Variants in AADACL4 observed in about 807,000 individuals in gnomAD.
AADACL4 encodes the protein arylacetamide deacetylase like 4, also known as arylacetamide deacetylase-like 4.
AADACL4 carries 9 observed loss-of-function variants against 14.1 expected under a neutral mutation model. That is an observed-to-expected ratio of 0.64 (90% CI 0.39 to 1.12). The LOEUF (loss-of-function observed/expected upper bound fraction) is 1.12. AADACL4 is among the 50% of genes most tolerant of loss of function. The pLI is 0.01. For missense variants in AADACL4, 531 were observed against 516.1 expected (o/e 1.03, Z -0.28); for synonymous variants, 188 against 201.6 (o/e 0.93, Z 0.57).
At position 12,666,782 on chromosome 1, in the gene AADACL4, C is replaced by T. The variant is rs781528865; in HGVS notation, c.*47C>T. On this transcript the variant is annotated 3_prime_UTR_variant, in exon 4 of 4. Coordinates refer to ENST00000376221, the MANE Select transcript of AADACL4 (RefSeq NM_001013630.2). ...GAGGAAGGGGCAAGTATGGACTCTA[C>T]CAGAAACCGGGTGCTTTAGTGAGTT... 12 of 1,518,362 alleles carry T rather than the reference C, an allele frequency of 7.9e-6. No homozygotes were observed. In the African/African-American group the frequency reaches 1.2e-4, roughly 16 times the overall value. 94.1% of individuals were successfully genotyped at this position (1,518,362 alleles called of 1,614,324 possible).
chr1:12,663,292 C>A (rs1313837303), intron 3 of AADACL4, among the ~76,000 whole-genome samples: 1 of 152,200 alleles, frequency 6.6e-6, no homozygotes, highest in Non-Finnish European at 1.5e-5. Context: ...TTAAACAACA[C>A]TTTGATTTCT....
At position 12,666,126 on chromosome 1, in the gene AADACL4, C is replaced by A; in HGVS notation, c.615C>A (p.Ala205=). The change falls in exon 4 of 4, where the codon GCC becomes GCA. Residue 205 remains alanine, a synonymous_variant. Coordinates refer to ENST00000376221, the MANE Select transcript of AADACL4 (RefSeq NM_001013630.2). The part of the protein sequence containing the change: ...GGAAVAAITQ[A]LVGRSDLPRI... The stretch of plus-strand genomic sequence containing the variant: ...CAGCGGTGGCCGCCATCACCCAGGC[C>A]TTGGTGGGCAGATCAGATCTTCCCC... 1 of 1,614,208 alleles carries A rather than the reference C, an allele frequency of 6.2e-7. No homozygotes were observed. Among genetic ancestry groups the A allele is most frequent in the Non-Finnish European group, 8.5e-7 (1 of 1,180,044 alleles).
chr1:12,661,729 C>T, intron 2 of AADACL4, 62 bp from the exon 3 acceptor site: 1 of 1,504,022 alleles, frequency 6.6e-7, no homozygotes, highest in Non-Finnish European at 9.3e-7. Context: ...TTCCTGGGGG[C>T]TGTGGTGAGA....
chr1:12,647,643 T>TTTTC (rs778478370), intron 1 of AADACL4, among the ~76,000 whole-genome samples: 2 of 151,824 alleles, frequency 1.3e-5, no homozygotes, highest in East Asian at 1.9e-4. Context: ...TTGCTTTTCT[T>TTTTC]TTTCTTTCTT....
chr1:12,645,585 C>T (rs544803335), intron 1 of AADACL4, among the ~76,000 whole-genome samples: 1 of 152,208 alleles, frequency 6.6e-6, no homozygotes, highest in South Asian at 2.1e-4. Context: ...CTCTGTTGCC[C>T]AGGCTGGAGT....
chr1:12,666,469 G>C lies in AADACL4; in HGVS notation c.958G>C (p.Asp320His), dbSNP rs767881004. ...AAYLEAKHML[D>H]VENSPLIADD... ...CTATCTAGAAGCCAAACATATGCTG[G>C]ATGTAGAAAATTCACCCCTGATAGC... The change falls in exon 4 of 4, where the codon GAT becomes CAT. Residue 320 changes from aspartate (D) to histidine (H), a missense_variant. By Grantham distance (81) the Asp-to-His change is moderately conservative (BLOSUM62 -1). Coordinates refer to ENST00000376221, the MANE Select transcript of AADACL4 (RefSeq NM_001013630.2). 5.0e-6 allele frequency: 8 copies of C among 1,614,054 alleles called. No individual in the cohort carries two copies. Among genetic ancestry groups the C allele is most frequent in the Non-Finnish European group, 6.8e-6 (8 of 1,180,046 alleles).
rs770422175 is a variant in AADACL4, at chr1:12,666,438, A to C, written c.927A>C (p.Glu309Asp). 1.9e-6 allele frequency: 3 copies of C among 1,614,196 alleles called. No homozygotes were observed. The highest frequency in any genetic ancestry group is 2.5e-6 in the Non-Finnish European group (3 of 1,180,044). ...CCTGGTCTCCCGGCCCTTTTAATGA[A>C]GCTGCCTATCTAGAAGCCAAACATA... is the stretch of plus-strand genomic sequence containing the variant. ...YQPWSPGPFN[E>D]AAYLEAKHML... The change falls in exon 4 of 4, where the codon GAA (glutamate) becomes GAC (aspartate). Residue 309 changes from glutamate (E) to aspartate (D), a missense_variant. Transcript: ENST00000376221.
intron 2 of AADACL4, among the ~76,000 whole-genome samples, chr1:12,655,262 C>T (rs756360907): frequency 1.3e-5 from 2 of 151,982 alleles, no homozygotes; most frequent in African/African-American, 4.8e-5. Context: ...GGATAAGGGC[C>T]CAGGGTGGCT....
At chr1:12,658,455 TG>T (rs1647201076) in intron 2 of AADACL4, among the ~76,000 whole-genome samples, 1 of 152,012 alleles carries the variant, frequency 6.6e-6, no homozygotes, top group African/African-American at 2.4e-5. Flanking sequence ...GACGGGGTTT[TG>T]CCATGTTGGC....
In AADACL4 at chr1:12,665,447, G is replaced by C. The variant is rs145736375; in HGVS notation, c.450-514G>C. On this transcript the variant is annotated intron_variant, in intron 3 of 3. Transcript: ENST00000376221. Reference sequence around the variant, plus strand: ...TCACCGTGTTAGCCAGGATGGTCTCGATCTCCTGACCTCGTGATCCACCCG... The same window carrying C: ...TCACCGTGTTAGCCAGGATGGTCTCCATCTCCTGACCTCGTGATCCACCCG... Among the ~76,000 whole-genome samples the C allele has an allele frequency of 9.0e-4, 137 of 152,194 alleles. 3 individuals are homozygous for C. In the East Asian group the frequency reaches 0.021, roughly 23 times the overall value.
intron 3 of AADACL4, 113 bp downstream of exon 3, chr1:12,661,967 C>A: frequency 8.7e-7 from 1 of 1,145,636 alleles, no homozygotes; most frequent in Non-Finnish European, 1.3e-6. Flanking sequence ...AACTCTTGGA[C>A]ATGCATCCAC....
intron 1 of AADACL4, among the ~76,000 whole-genome samples, chr1:12,645,439 C>G (rs1004941921): frequency 2.0e-5 from 3 of 150,946 alleles, no homozygotes; most frequent in African/African-American, 4.9e-5. Context: ...AATTTCAGAC[C>G]CAGTTCCTGC....
At position 12,651,334 on chromosome 1, in the gene AADACL4, G is replaced by A. The variant is rs143929483; in HGVS notation, c.380G>A (p.Ser127Asn). 6.2e-6 allele frequency: 10 copies of A among 1,614,128 alleles called. No individual in the cohort carries two copies. The highest frequency in any genetic ancestry group is 8.5e-6 in the Non-Finnish European group (10 of 1,180,024). Residue 127 changes from serine to asparagine, a missense_variant, in exon 2 of 4, where the codon AGC becomes AAC. Transcript: ENST00000376221. ...CATGGAGGGGCCACAGTATTTGGGA[G>A]CCTGGGTAAGGGGCTTCCCTGTGGC... Reference protein sequence around the residue: ...FYHGGATVFGSLDCYHGLCNY... With the variant: ...FYHGGATVFGNLDCYHGLCNY...
chr1:12,661,383 T>C (rs1409966569), intron 2 of AADACL4, among the ~76,000 whole-genome samples: 3 of 152,214 alleles, frequency 2.0e-5, no homozygotes, highest in Non-Finnish European at 4.4e-5. Flanking sequence ...GAACTTCATA[T>C]GCACCACTCT....
intron 2 of AADACL4, among the ~76,000 whole-genome samples, chr1:12,657,495 C>G (rs1159209184): frequency 6.6e-6 from 1 of 152,120 alleles, no homozygotes; most frequent in Non-Finnish European, 1.5e-5. Context: ...TGTTCAGGCT[C>G]TTGACACTAT....
Position 12,666,182 on chromosome 1 carries a change from T to C in AADACL4, c.671T>C (p.Val224Ala). 6.2e-7 allele frequency: 1 copy of C among 1,614,264 alleles called. No individual in the cohort carries two copies. The highest frequency in any genetic ancestry group is 8.5e-7 in the Non-Finnish European group (1 of 1,180,046). The change falls in exon 4 of 4, where the codon GTT becomes GCT. Residue 224 changes from valine to alanine, a missense_variant. Coordinates refer to ENST00000376221, the MANE Select transcript of AADACL4 (RefSeq NM_001013630.2). ...CGGGCTCAGGTTCTGATTTATCCAG[T>C]TGTCCAGGCATTCTGTTTGCAGTTG... ...RIRAQVLIYP[V>A]VQAFCLQLPS...
chr1:12,651,881 T>G (rs1647150609), intron 2 of AADACL4, among the ~76,000 whole-genome samples: 1 of 147,730 alleles, frequency 6.8e-6, no homozygotes, highest in African/African-American at 2.6e-5. Flanking sequence ...CAGGCTGGAG[T>G]GCAGTGGCGT....
chr1:12,666,964 T>C lies in AADACL4; in HGVS notation c.*229T>C. On this transcript the variant is annotated 3_prime_UTR_variant, in exon 4 of 4. Transcript: ENST00000376221. ...TCCATTGCTGGATCTAGCGACATTC[T>C]CTAACATTCCCATTTAGGTGAAATA... The C allele has an allele frequency of 2.1e-6, 1 of 487,764 alleles. No individual in the cohort carries two copies. Among genetic ancestry groups the C allele is most frequent in the Non-Finnish European group, 3.5e-6 (1 of 281,798 alleles). 30.2% of individuals were successfully genotyped at this position (487,764 alleles called of 1,614,324 possible).
At position 12,651,119 on chromosome 1, in the gene AADACL4, A is replaced by G; in HGVS notation, c.169-4A>G. The stretch of plus-strand genomic sequence containing the variant: ...GTCTGGCTTTCTTTTGTTACCTCCA[A>G]CAGGGGAATATATTTGAGAAGCTGG... On this transcript the variant is annotated splice_polypyrimidine_tract_variant and splice_region_variant and intron_variant, in intron 1 of 3. Coordinates refer to ENST00000376221, the MANE Select transcript of AADACL4 (RefSeq NM_001013630.2). The G allele has an allele frequency of 1.2e-6, 2 of 1,613,754 alleles. No homozygotes were observed. The highest frequency in any genetic ancestry group is 1.7e-6 in the Non-Finnish European group (2 of 1,179,686).
Sources: gnomAD v4.1 joint callset for allele counts (sites outside exome capture counted in the v4.1 genomes callset) on GRCh38, gnomAD v4.1.1 for gene constraint, MANE v1.5 for transcripts, NCBI Gene and HGNC (gene_info 2026-07-23, HGNC 2026-07-21) for gene names.